Variants in JAK2 observed in about 807,000 individuals in gnomAD.
JAK2 encodes the protein tyrosine-protein kinase JAK2.
Under a neutral mutation model 139.3 loss-of-function variants are expected in JAK2, and 86 were observed. That is an observed-to-expected ratio of 0.62 (90% CI 0.52 to 0.74). The LOEUF (loss-of-function observed/expected upper bound fraction) is 0.74, where lower values mean the gene tolerates loss of function less well. JAK2 is among the 30% of genes least tolerant of loss of function. JAK2 has a pLI of 0.00. For synonymous variants in JAK2, 490 were observed against 437.7 expected (o/e 1.12, Z -1.49); for missense variants, 1,421 against 1,360.3 (o/e 1.04, Z -0.70).
At chr9:5,004,304 T>A (rs569089084) in intron 2 of JAK2, among the ~76,000 whole-genome samples, 3 of 152,288 alleles carry the variant, frequency 2.0e-5, no homozygotes, top group South Asian at 4.1e-4. Context: ...ACCCTCAGCC[T>A]CTGGTAACTG....
At chr9:5,020,670 A>G (rs1001244499) in intron 2 of JAK2, among the ~76,000 whole-genome samples, 2 of 152,154 alleles carry the variant, frequency 1.3e-5, no homozygotes, top group East Asian at 3.9e-4. Context: ...GCAGCCTGCA[A>G]TGGTGGCAGC....
At chr9:4,999,180 A>G (rs983712199) in intron 2 of JAK2, among the ~76,000 whole-genome samples, 3 of 152,186 alleles carry the variant, frequency 2.0e-5, no homozygotes, top group Non-Finnish European at 4.4e-5. Context: ...CGCTGGCCCA[A>G]GGTAAAATGA....
intron 10 of JAK2, among the ~76,000 whole-genome samples, chr9:5,068,479 T>C (rs1341012823): frequency 6.6e-6 from 1 of 152,250 alleles, no homozygotes; most frequent in Non-Finnish European, 1.5e-5. Flanking sequence ...GAAACAGTGG[T>C]ACTTGAACTG....
chr9:4,984,743 TG>T (rs1819840593), upstream of JAK2: 1 of 152,346 alleles, frequency 6.6e-6, no homozygotes, highest in Non-Finnish European at 1.5e-5. Flanking sequence ...CAGTGCAGGC[TG>T]CGCGCTGGGG....
At chr9:5,037,846 T>TA (rs1393094130) in intron 4 of JAK2, among the ~76,000 whole-genome samples, 1 of 152,102 alleles carries the variant, frequency 6.6e-6, no homozygotes, top group African/African-American at 2.4e-5. Flanking sequence ...CCCTAAAACT[T>TA]AAAGTATAAT....
At chr9:5,014,284 G>GT (rs1190334069) in intron 2 of JAK2, among the ~76,000 whole-genome samples, 9 of 151,064 alleles carry the variant, frequency 6.0e-5, no homozygotes, top group Non-Finnish European at 8.8e-5. Flanking sequence ...GATTACAGGT[G>GT]TGAGCCACTG....
chr9:5,023,010 C>G (rs988890629), intron 3 of JAK2, among the ~76,000 whole-genome samples: 2 of 152,188 alleles, frequency 1.3e-5, no homozygotes, highest in Non-Finnish European at 2.9e-5. Flanking sequence ...TTGGAGGAAG[C>G]TAGGTACATT....
chr9:5,089,537 CAAAAAAAAAA>C lies in JAK2; in HGVS notation c.2572-118_2572-109del, dbSNP rs58042774. ...TGGGTGACAGAGCGAGACTTCGTCTCAAAAAAAAAAAAAAAAAAAAAAAAAAAAGACAGTC... is the reference window on the plus strand; with the variant it reads ...TGGGTGACAGAGCGAGACTTCGTCTCAAAAAAAAAAAAAAAAAAGACAGTC... On this transcript the variant is annotated intron_variant, in intron 19 of 24. Transcript: ENST00000381652. 1.2e-3 allele frequency: 107 copies of C among 87,068 alleles called. 2 individuals carry two copies. Among genetic ancestry groups the C allele is most frequent in the African/African-American group, 3.1e-3 (61 of 19,674 alleles). The allele number at this position is 87,068 out of a possible 1,614,324, so 5.4% of individuals were successfully genotyped here.
chr9:5,012,742 A>G (rs1006907987), intron 2 of JAK2, among the ~76,000 whole-genome samples: 3 of 152,208 alleles, frequency 2.0e-5, no homozygotes, highest in African/African-American at 7.2e-5. Flanking sequence ...ATTATAAGGT[A>G]TTGAAGCCTA....
At chr9:5,077,252 C>G (rs148153413) in intron 14 of JAK2, among the ~76,000 whole-genome samples, 147 of 150,348 alleles carry the variant, frequency 9.8e-4, no homozygotes, top group African/African-American at 3.4e-3. Context: ...ATTGTTTAGA[C>G]TCCTACTCTT....
At chr9:5,085,542 G>C in intron 19 of JAK2, 5 of 704,710 alleles carry the variant, frequency 7.1e-6, no homozygotes, top group Non-Finnish European at 1.3e-5. Context: ...CAATAACTCG[G>C]GTTAAAATAG....
chr9:5,126,192 A>G, intron 23 of JAK2, 141 bp from the exon 24 acceptor site: 1 of 572,184 alleles, frequency 1.7e-6, no homozygotes, highest in Non-Finnish European at 3.1e-6. Flanking sequence ...TTTGATCCTA[A>G]AAGTAGTTTG....
chr9:5,121,386 C>T (rs1253715230), intron 22 of JAK2, among the ~76,000 whole-genome samples: 2 of 152,154 alleles, frequency 1.3e-5, no homozygotes, highest in Non-Finnish European at 2.9e-5. Flanking sequence ...TTGCCACATA[C>T]GTAGTTTATT....
intron 3 of JAK2, among the ~76,000 whole-genome samples, 170 bp downstream of exon 3, chr9:5,022,383 A>G (rs1822487772): frequency 6.6e-6 from 1 of 152,106 alleles, no homozygotes; most frequent in South Asian, 2.1e-4. Context: ...AGTACAATTT[A>G]TGGTGAATCT....
intron 22 of JAK2, among the ~76,000 whole-genome samples, chr9:5,093,751 A>T (rs1689743663): frequency 2.0e-5 from 3 of 152,264 alleles, no homozygotes; most frequent in Admixed American, 2.0e-4. Flanking sequence ...GTGCAATCCT[A>T]TTCTATCATA....
chr9:5,121,967 A>G (rs1365218630), intron 22 of JAK2, among the ~76,000 whole-genome samples: 2 of 152,174 alleles, frequency 1.3e-5, no homozygotes, highest in Non-Finnish European at 2.9e-5. Context: ...CATACATTTG[A>G]TAATAACATA....
chr9:5,070,158 T>C, intron 12 of JAK2, 106 bp downstream of exon 12: 1 of 690,752 alleles, frequency 1.4e-6, no homozygotes, highest in Non-Finnish European at 2.1e-6. Flanking sequence ...TATATACAAA[T>C]TTAGTTGTGA....
At chr9:5,118,048 T>C (rs1270884949) in intron 22 of JAK2, among the ~76,000 whole-genome samples, 1 of 152,242 alleles carries the variant, frequency 6.6e-6, no homozygotes, top group Admixed American at 6.5e-5. Context: ...GACATTTAAA[T>C]AACAGCTATG....
intron 14 of JAK2, among the ~76,000 whole-genome samples, chr9:5,076,563 T>C (rs1431774716): frequency 2.0e-5 from 3 of 152,304 alleles, no homozygotes; most frequent in Non-Finnish European, 4.4e-5. Context: ...GCACACTAAA[T>C]AGACTCCATT....
Sources: allele counts gnomAD v4.1 joint callset (sites outside exome capture counted in the v4.1 genomes callset), GRCh38; gene constraint gnomAD v4.1.1; transcripts MANE v1.5; gene names NCBI Gene and HGNC (gene_info 2026-07-23, HGNC 2026-07-21).